CCDC91: variants seen among roughly 807,000 people sequenced by gnomAD.
The protein encoded by CCDC91 is coiled-coil domain-containing protein 91.
A neutral mutation model predicts 63.2 loss-of-function variants in CCDC91; 48 were observed. The ratio of observed to expected loss-of-function variants is 0.76; its 90% confidence interval spans 0.60 to 0.97. CCDC91 has a LOEUF of 0.97. Among genes scored for constraint, CCDC91 ranks in the 50% least tolerant of loss-of-function variants. The pLI is 0.00. For missense variants in CCDC91, 500 were observed against 494.6 expected (o/e 1.01, Z -0.10); for synonymous variants, 167 against 165.8 (o/e 1.01, Z -0.06).
At chr12:28,421,987 C>T (rs115361190) in intron 8 of CCDC91, among the ~76,000 whole-genome samples, 21 of 152,174 alleles carry the variant, frequency 1.4e-4, no homozygotes, top group African/African-American at 4.8e-4. Context: ...TTCTAATTTG[C>T]CTATACATAC....
chr12:28,407,909 C>G (rs1221049081), intron 8 of CCDC91, among the ~76,000 whole-genome samples: 1 of 150,758 alleles, frequency 6.6e-6, no homozygotes, highest in Non-Finnish European at 1.5e-5. Flanking sequence ...GCTGCTAGGA[C>G]ATAAGGACAC....
Position 28,305,687 on chromosome 12 carries a change from G to T in CCDC91, c.148G>T (p.Val50Leu), listed in dbSNP as rs1292753648. The T allele has an allele frequency of 6.2e-7, 1 of 1,612,812 alleles. No homozygotes were observed. Among genetic ancestry groups the T allele is most frequent in the African/African-American group, 1.3e-5 (1 of 74,734 alleles). ...TCTTTCACCATCTTCTCCTGAGATT[G>T]TACTGGACCGTGACCACTCTTCTTC... ...VHLSPSSPEI[V>L]LDRDHSSSIG... Residue 50 changes from valine (V) to leucine (L), a missense_variant, in exon 4 of 13, where the codon GTA (valine) becomes TTA (leucine). Physicochemically the swap from Val to Leu is conservative, Grantham distance 32. Coordinates refer to ENST00000536442, the MANE Select transcript of CCDC91 (RefSeq NM_018318.5).
intron 6 of CCDC91, among the ~76,000 whole-genome samples, chr12:28,339,529 G>GAA (rs371816945): frequency 1.4e-5 from 2 of 138,338 alleles, no homozygotes; most frequent in African/African-American, 5.3e-5. Context: ...AAATATTTGG[G>GAA]AAAAAAAAAA....
chr12:28,449,020 T>C (rs1949672650), intron 8 of CCDC91, among the ~76,000 whole-genome samples: 1 of 152,096 alleles, frequency 6.6e-6, no homozygotes, highest in South Asian at 2.1e-4. Context: ...TTTCATATAG[T>C]ACCCATAATT....
chr12:28,447,961 C>T (rs997052623), intron 8 of CCDC91, among the ~76,000 whole-genome samples: 1 of 151,872 alleles, frequency 6.6e-6, no homozygotes, highest in African/African-American at 2.4e-5. Flanking sequence ...TAGTAGTAGT[C>T]TGAAATGACA....
At chr12:28,411,191 A>G (rs1186592517) in intron 8 of CCDC91, among the ~76,000 whole-genome samples, 1 of 152,160 alleles carries the variant, frequency 6.6e-6, no homozygotes, top group South Asian at 2.1e-4. Context: ...AATACAAGAA[A>G]TAGTTCACTC....
At chr12:28,327,591 G>A (rs1297910900) in intron 6 of CCDC91, among the ~76,000 whole-genome samples, 1 of 152,088 alleles carries the variant, frequency 6.6e-6, no homozygotes, top group Non-Finnish European at 1.5e-5. Flanking sequence ...TGGGCCAGAA[G>A]TCTCACAGGA....
chr12:28,320,611 T>C (rs1275251911), intron 6 of CCDC91, among the ~76,000 whole-genome samples: 2 of 151,930 alleles, frequency 1.3e-5, no homozygotes, highest in East Asian at 3.9e-4. Context: ...AAGTGAAGAC[T>C]AGTTTGAAGC....
In CCDC91 at chr12:28,362,423, T is replaced by C. The variant is rs768521710; in HGVS notation, c.577-15T>C. On this transcript the variant is annotated splice_polypyrimidine_tract_variant and intron_variant, in intron 6 of 12. Transcript: ENST00000536442. ...AGAAGAAAAACTCATGGTTTTAGTT[T>C]CTTTTTTCTTTCAGGAAAAACATAA... The C allele has an allele frequency of 1.9e-6, 3 of 1,540,672 alleles. No homozygotes were observed. The South Asian group carries it at 3.7e-5, about 19-fold the overall frequency.
chr12:28,230,389 A>G (rs901538202), intron 1 of CCDC91, among the ~76,000 whole-genome samples: 4 of 152,240 alleles, frequency 2.6e-5, no homozygotes, highest in African/African-American at 4.8e-5. Flanking sequence ...TGCAGCAGTG[A>G]GTGGACATAA....
chr12:28,389,831 A>G (rs1037379282), intron 7 of CCDC91, among the ~76,000 whole-genome samples: 26 of 152,114 alleles, frequency 1.7e-4, no homozygotes, highest in African/African-American at 5.5e-4. Flanking sequence ...TTTTATAACT[A>G]TATTATTTTT....
At chr12:28,525,763 T>C (rs1237949631) in intron 12 of CCDC91, among the ~76,000 whole-genome samples, 7 of 152,262 alleles carry the variant, frequency 4.6e-5, no homozygotes, top group South Asian at 4.2e-4. Flanking sequence ...TTAGTAATTG[T>C]TTTATAAATT....
At chr12:28,467,682 A>G (rs946464749) in intron 11 of CCDC91, among the ~76,000 whole-genome samples, 9 of 152,128 alleles carry the variant, frequency 5.9e-5, no homozygotes, top group African/African-American at 2.2e-4. Flanking sequence ...CACATAGATC[A>G]TTCTCAAGGA....
chr12:28,296,947 T>G (rs564998305), intron 3 of CCDC91, among the ~76,000 whole-genome samples: 1 of 151,828 alleles, frequency 6.6e-6, no homozygotes, highest in African/African-American at 2.4e-5. Flanking sequence ...GAAAATACAT[T>G]TGGGGATCAG....
chr12:28,506,581 T>A (rs1938742481), intron 12 of CCDC91, among the ~76,000 whole-genome samples: 1 of 152,000 alleles, frequency 6.6e-6, no homozygotes, highest in Admixed American at 6.6e-5. Flanking sequence ...ACAGCCACTA[T>A]TTATTCATTG....
chr12:28,265,700 G>A (rs1412421221), intron 3 of CCDC91, among the ~76,000 whole-genome samples: 1 of 151,906 alleles, frequency 6.6e-6, no homozygotes, highest in Non-Finnish European at 1.5e-5. Context: ...ATTTTTGTTT[G>A]AGGAAAAATT....
At chr12:28,378,978 C>G (rs1185354018) in intron 7 of CCDC91, among the ~76,000 whole-genome samples, 1 of 151,952 alleles carries the variant, frequency 6.6e-6, no homozygotes, top group Non-Finnish European at 1.5e-5. Context: ...CAGGCCAAAA[C>G]CAAAAGGTAT....
intron 7 of CCDC91, among the ~76,000 whole-genome samples, chr12:28,374,715 T>G (rs1041886266): frequency 6.6e-6 from 1 of 152,052 alleles, no homozygotes; most frequent in African/African-American, 2.4e-5. Flanking sequence ...AATTGAACAT[T>G]CTGATTCACC....
At chr12:28,197,541 A>G (rs945386512) in intron 1 of CCDC91, among the ~76,000 whole-genome samples, 4 of 152,106 alleles carry the variant, frequency 2.6e-5, no homozygotes, top group Non-Finnish European at 4.4e-5. Context: ...GACAAAGGAA[A>G]CTGTCTCCAA....
Sources: gnomAD v4.1 joint callset for allele counts (sites outside exome capture counted in the v4.1 genomes callset) on GRCh38, gnomAD v4.1.1 for gene constraint, MANE v1.5 for transcripts, NCBI Gene and HGNC (gene_info 2026-07-23, HGNC 2026-07-21) for gene names.